SPIDR: variants seen among roughly 807,000 people sequenced by gnomAD.
SPIDR encodes the protein scaffold protein involved in DNA repair, also known as DNA repair-scaffolding protein.
SPIDR carries 93 observed loss-of-function variants against 104.6 expected under a neutral mutation model. The observed-to-expected ratio is 0.89, with a 90% CI of 0.75 to 1.06. The LOEUF (loss-of-function observed/expected upper bound fraction) is 1.06, where lower values mean the gene tolerates loss of function less well. SPIDR is among the 50% of genes least tolerant of loss of function. The probability of loss-of-function intolerance (pLI) is 0.00; values close to 1 mark genes in which losing one functional copy is unlikely to be tolerated. For missense variants in SPIDR, 1,154 were observed against 1,111.2 expected (o/e 1.04, Z -0.55); for synonymous variants, 431 against 416.9 (o/e 1.03, Z -0.41).
chr8:47,444,067 A>G (rs530590053), intron 8 of SPIDR, among the ~76,000 whole-genome samples: 3 of 152,258 alleles, frequency 2.0e-5, no homozygotes, highest in Admixed American at 6.5e-5. Context: ...CAGACATGTA[A>G]AAATAAAATA....
At chr8:47,469,010 C>T (rs2075296253) in intron 8 of SPIDR, among the ~76,000 whole-genome samples, 1 of 151,934 alleles carries the variant, frequency 6.6e-6, no homozygotes, top group South Asian at 2.1e-4. Context: ...AAACAAAAAG[C>T]CTCTTTAAAA....
chr8:47,294,797 AT>A (rs1447271235), intron 5 of SPIDR, among the ~76,000 whole-genome samples: 2 of 152,066 alleles, frequency 1.3e-5, no homozygotes, highest in African/African-American at 4.8e-5. Context: ...CGTCTGGCTA[AT>A]TGTTGTATTT....
Position 47,598,906 on chromosome 8 carries a change from T to A in SPIDR, c.1294-40T>A, listed in dbSNP as rs1255806332. On this transcript the variant is annotated intron_variant, in intron 9 of 19. Coordinates refer to ENST00000297423, the MANE Select transcript of SPIDR (RefSeq NM_001080394.4). Reference sequence around the variant, plus strand: ...CTTGTTGTTAGCCGAACTGAAACTTTGTGAGTCTTGAAACTGTTCCCTTTA... The same window carrying A: ...CTTGTTGTTAGCCGAACTGAAACTTAGTGAGTCTTGAAACTGTTCCCTTTA... The A allele has an allele frequency of 3.7e-6, 6 of 1,608,936 alleles. No individual in the cohort carries two copies. The African/African-American group carries it at 8.0e-5, about 22-fold the overall frequency.
At chr8:47,359,208 T>TG (rs1554628176) in intron 5 of SPIDR, among the ~76,000 whole-genome samples, 1 of 147,626 alleles carries the variant, frequency 6.8e-6, no homozygotes, top group Non-Finnish European at 1.5e-5. Flanking sequence ...ATTGCGCCAC[T>TG]GCAGTCCGCA....
intron 8 of SPIDR, among the ~76,000 whole-genome samples, chr8:47,575,646 CAAA>C (rs1173651690): frequency 1.1e-4 from 5 of 45,144 alleles, no homozygotes; most frequent in African/African-American, 8.9e-5. Context: ...GACTCCGTCT[CAAA>C]AAAAAAAAAA....
intron 10 of SPIDR, among the ~76,000 whole-genome samples, chr8:47,602,255 T>G (rs1026360751): frequency 1.3e-5 from 2 of 152,178 alleles, no homozygotes; most frequent in African/African-American, 4.8e-5. Context: ...TGGGCTCAGT[T>G]AGTACAGACT....
At chr8:47,451,892 A>G (rs1346221304) in intron 8 of SPIDR, among the ~76,000 whole-genome samples, 1 of 152,162 alleles carries the variant, frequency 6.6e-6, no homozygotes, top group Non-Finnish European at 1.5e-5. Flanking sequence ...AAGCGCAGCA[A>G]TTAGCAATCA....
At chr8:47,275,450 G>A (rs1245403636) in intron 1 of SPIDR, among the ~76,000 whole-genome samples, 1 of 151,820 alleles carries the variant, frequency 6.6e-6, no homozygotes, top group African/African-American at 2.4e-5. Context: ...TGGGTGTGTT[G>A]TTTGAAAAAT....
At chr8:47,290,845 C>T (rs1397585231) in intron 3 of SPIDR, among the ~76,000 whole-genome samples, 188 bp from the exon 4 acceptor site, 3 of 152,120 alleles carry the variant, frequency 2.0e-5, no homozygotes, top group African/African-American at 4.8e-5. Flanking sequence ...AACTTGGCTT[C>T]GAACTCAGAG....
intron 10 of SPIDR, among the ~76,000 whole-genome samples, chr8:47,646,918 C>T (rs2070469979): frequency 6.6e-6 from 1 of 152,058 alleles, no homozygotes; most frequent in Non-Finnish European, 1.5e-5. Flanking sequence ...GCAGTATATA[C>T]AGCAATAATG....
intron 1 of SPIDR, among the ~76,000 whole-genome samples, chr8:47,266,188 A>G (rs1432343458): frequency 3.6e-5 from 5 of 140,612 alleles, no homozygotes; most frequent in Non-Finnish European, 7.5e-5. Flanking sequence ...GGAGTGCAAT[A>G]GCGCGATCTC....
intron 11 of SPIDR, among the ~76,000 whole-genome samples, chr8:47,696,986 C>T (rs1589280389): frequency 6.6e-6 from 1 of 152,166 alleles, no homozygotes; most frequent in African/African-American, 2.4e-5. Context: ...AGGACTCCTT[C>T]CGCGTGGCCC....
intron 15 of SPIDR, 171 bp downstream of exon 15, chr8:47,713,043 C>A: frequency 7.2e-7 from 1 of 1,384,670 alleles, no homozygotes; most frequent in Non-Finnish European, 9.3e-7. Context: ...GACCCTGTAG[C>A]AGCCACCTGG....
intron 5 of SPIDR, among the ~76,000 whole-genome samples, chr8:47,393,696 T>A: frequency 7.0e-6 from 1 of 143,462 alleles, no homozygotes; most frequent in Non-Finnish European, 1.5e-5. Flanking sequence ...TCCTTTCCTT[T>A]CCTTTCCTTT....
intron 8 of SPIDR, among the ~76,000 whole-genome samples, chr8:47,518,915 G>A (rs904615914): frequency 2.6e-5 from 4 of 152,132 alleles, no homozygotes; most frequent in Admixed American, 6.5e-5. Flanking sequence ...GATTACAGGC[G>A]TGATCCACCG....
chr8:47,561,660 C>A (rs1047653306), intron 8 of SPIDR, among the ~76,000 whole-genome samples: 4 of 152,214 alleles, frequency 2.6e-5, no homozygotes, highest in African/African-American at 7.2e-5. Flanking sequence ...GTGCCCACCC[C>A]TGCCCCTCCT....
intron 10 of SPIDR, among the ~76,000 whole-genome samples, chr8:47,624,332 A>G (rs1205431568): frequency 1.3e-5 from 2 of 152,142 alleles, no homozygotes; most frequent in African/African-American, 4.8e-5. Context: ...AAGAACTAGA[A>G]AAGCAAGAGC....
Position 47,427,906 on chromosome 8 carries a change from G to A in SPIDR, c.878-12417G>A, listed in dbSNP as rs371480462. On this transcript the variant is annotated intron_variant, in intron 7 of 19. Transcript: ENST00000297423. ...GAGAAGAAGAATGAAAGTTGGGGTCGGCGATTTCTTTTTTCTTTTTTTCTT... is the reference window on the plus strand; with the variant it reads ...GAGAAGAAGAATGAAAGTTGGGGTCAGCGATTTCTTTTTTCTTTTTTTCTT... Among the ~76,000 whole-genome samples, 11 of 151,798 alleles carry A rather than the reference G, an allele frequency of 7.2e-5. No homozygotes were observed. The East Asian group carries it at 1.9e-3, about 27-fold the overall frequency.
At chr8:47,333,675 A>T (rs547106952) in intron 5 of SPIDR, among the ~76,000 whole-genome samples, 6 of 152,346 alleles carry the variant, frequency 3.9e-5, no homozygotes, top group African/African-American at 1.4e-4. Context: ...AGTCATTATC[A>T]AACACATACA....
Sources: allele counts gnomAD v4.1 joint callset (sites outside exome capture counted in the v4.1 genomes callset), GRCh38; gene constraint gnomAD v4.1.1; transcripts MANE v1.5; gene names NCBI Gene and HGNC (gene_info 2026-07-23, HGNC 2026-07-21).